Variants in TRIM5 observed in about 807,000 individuals in gnomAD.
The protein encoded by TRIM5 is tripartite motif-containing protein 5.
Under a neutral mutation model 35.6 loss-of-function variants are expected in TRIM5, and 31 were observed. That is an observed-to-expected ratio of 0.87 (90% CI 0.65 to 1.18). The LOEUF is 1.18. Among genes scored for constraint, TRIM5 ranks in the 50% most tolerant of loss-of-function variants. The pLI is 0.00. For missense variants in TRIM5, 609 were observed against 591.6 expected, an observed-to-expected ratio of 1.03 and a Z score of -0.31; for synonymous variants, 243 against 215.6, an observed-to-expected ratio of 1.13 and a Z score of -1.11.
chr11:5,594,501 C>G, the TRIM5 span, among the ~76,000 whole-genome samples: 4 of 151,972 alleles, frequency 2.6e-5, no homozygotes, highest in Admixed American at 2.6e-4. Context: ...TAGACAGGGT[C>G]TTACTATGTT....
chr11:5,625,789 G>A, the TRIM5 span, among the ~76,000 whole-genome samples: 7 of 152,148 alleles, frequency 4.6e-5, no homozygotes, highest in East Asian at 1.9e-4. Context: ...TGCTACCAGC[G>A]TCTTCACCTG....
At chr11:5,661,156 C>G (rs1850810739), downstream of TRIM5, among the ~76,000 whole-genome samples, 1 of 139,558 alleles carries the variant, frequency 7.2e-6, no homozygotes, top group African/African-American at 2.7e-5. Flanking sequence ...TGAATAGGAT[C>G]AAGGAGCTCA....
chr11:5,660,525 A>C (rs1291779550), downstream of TRIM5, among the ~76,000 whole-genome samples: 1 of 152,134 alleles, frequency 6.6e-6, no homozygotes, highest in Non-Finnish European at 1.5e-5. Flanking sequence ...GAGGGCATGC[A>C]GTTTTATTAG....
chr11:5,605,152 C>G, the TRIM5 span: 2 of 766,982 alleles, frequency 2.6e-6, no homozygotes, highest in Non-Finnish European at 4.2e-6. Context: ...ATGGTCTGGG[C>G]AGAGCTGAAG....
intron 4 of TRIM5, among the ~76,000 whole-genome samples, chr11:5,674,403 G>A (rs913183636): frequency 1.3e-5 from 2 of 152,232 alleles, no homozygotes; most frequent in Non-Finnish European, 2.9e-5. Context: ...ATGGAAGAAT[G>A]TAGGAAGGAC....
chr11:5,634,329 A>T, the TRIM5 span, among the ~76,000 whole-genome samples: 4 of 152,108 alleles, frequency 2.6e-5, no homozygotes, highest in East Asian at 7.7e-4. Context: ...TAGATAAGAC[A>T]GTTTGAGGTC....
At chr11:5,655,192 TA>T in the TRIM5 span, among the ~76,000 whole-genome samples, 950 of 117,868 alleles carry the variant, frequency 8.1e-3, 1 homozygote, top group South Asian at 0.016. Context: ...AAACTCCGTC[TA>T]AAAAAAAAAA....
Position 5,680,231 on chromosome 11 carries a change from A to G in TRIM5, c.-54T>C. 1 of 1,515,834 alleles carries G rather than the reference A, an allele frequency of 6.6e-7. No individual in the cohort carries two copies. 93.9% of individuals were successfully genotyped at this position (1,515,834 alleles called of 1,614,324 possible). On this transcript the variant is annotated 5_prime_UTR_variant, in exon 2 of 8. Coordinates refer to ENST00000380034, the MANE Select transcript of TRIM5 (RefSeq NM_033034.3). ...CTGGCTGCTGAGGTTCCTCTTGTTC[A>G]CAGATCCCTGCATGATTGGGAAGGT...
chr11:5,608,107 T>A, the TRIM5 span, among the ~76,000 whole-genome samples: 2 of 152,316 alleles, frequency 1.3e-5, no homozygotes, highest in South Asian at 4.2e-4. Flanking sequence ...TAATACATGC[T>A]ATACATACAT....
At position 5,677,649 on chromosome 11, in the gene TRIM5, T is replaced by G. The variant is rs572958996; in HGVS notation, c.744+555A>C. On this transcript the variant is annotated intron_variant, in intron 4 of 7. Coordinates refer to ENST00000380034, the MANE Select transcript of TRIM5 (RefSeq NM_033034.3). ...CGCCTGACCTCATGACTGGCCCGCC[T>G]GGGCCTCCTGACCTCATGACTGGCC... Among the ~76,000 whole-genome samples the G allele has an allele frequency of 2.0e-5, 3 of 152,272 alleles. No homozygotes were observed. In the East Asian group the frequency reaches 5.8e-4, roughly 29 times the overall value.
At chr11:5,642,908 T>A in the TRIM5 span, 1 of 1,596,660 alleles carries the variant, frequency 6.3e-7, no homozygotes, top group Non-Finnish European at 8.6e-7. Context: ...ATGGTTTCAA[T>A]GATATCTTCT....
the TRIM5 span, chr11:5,633,863 G>T: frequency 6.2e-7 from 1 of 1,613,982 alleles, no homozygotes; most frequent in Admixed American, 1.7e-5. Context: ...CTGAGAAGCT[G>T]GAAGCTGACA....
chr11:5,677,099 A>T (rs1852043962), intron 4 of TRIM5, among the ~76,000 whole-genome samples: 1 of 152,066 alleles, frequency 6.6e-6, no homozygotes, highest in Middle Eastern at 3.4e-3. Flanking sequence ...CAAAATTGAC[A>T]AATGGGATCT....
At chr11:5,674,267 T>C (rs1454531208) in intron 4 of TRIM5, among the ~76,000 whole-genome samples, 1 of 152,180 alleles carries the variant, frequency 6.6e-6, no homozygotes, top group Non-Finnish European at 1.5e-5. Context: ...TAGGAGTCTC[T>C]AGCAGTTGTC....
At chr11:5,639,855 T>C in the TRIM5 span, among the ~76,000 whole-genome samples, 1 of 152,080 alleles carries the variant, frequency 6.6e-6, no homozygotes, top group African/African-American at 2.4e-5. Context: ...TGGTACTTAA[T>C]AAGTATACAT....
chr11:5,603,813 A>G, the TRIM5 span: 1 of 1,541,168 alleles, frequency 6.5e-7, no homozygotes, highest in Non-Finnish European at 8.7e-7. Flanking sequence ...GCTCTGATCT[A>G]ATCTCTTTGT....
the TRIM5 span, among the ~76,000 whole-genome samples, chr11:5,593,297 C>T: frequency 4.2e-4 from 64 of 152,342 alleles, no homozygotes; most frequent in Middle Eastern, 6.8e-3. Context: ...TTGTTCCCAT[C>T]AGCTCCCAGC....
At chr11:5,667,284 G>A (rs1220951121) in intron 5 of TRIM5, among the ~76,000 whole-genome samples, 1 of 152,080 alleles carries the variant, frequency 6.6e-6, no homozygotes. Flanking sequence ...TTGGCTCACT[G>A]CAACCTCTGC....
chr11:5,672,579 A>G (rs1330132372), intron 4 of TRIM5, among the ~76,000 whole-genome samples: 1 of 152,174 alleles, frequency 6.6e-6, no homozygotes, highest in African/African-American at 2.4e-5. Context: ...ATTTCCTCCA[A>G]AGATTTACCC....
Sources: gnomAD v4.1 joint callset for allele counts (sites outside exome capture counted in the v4.1 genomes callset) on GRCh38, gnomAD v4.1.1 for gene constraint, MANE v1.5 for transcripts, NCBI Gene and HGNC (gene_info 2026-07-23, HGNC 2026-07-21) for gene names.